The following PPP2R2B variants were observed in gnomAD, a reference collection of about 807,000 sequenced individuals.
PPP2R2B encodes the protein protein phosphatase 2 regulatory subunit Bbeta.
Under a neutral mutation model 46.0 loss-of-function variants are expected in PPP2R2B, and 5 were observed. The ratio of observed to expected loss-of-function variants is 0.11; its 90% CI spans 0.06 to 0.23. The LOEUF (loss-of-function observed/expected upper bound fraction) is 0.23. Ranked by LOEUF, PPP2R2B falls within the 10% of genes least tolerant of loss-of-function variation. The pLI, the probability that PPP2R2B is intolerant of heterozygous loss-of-function variation, is 1.00. For missense variants in PPP2R2B, 367 were observed against 575.0 expected (o/e 0.64, Z 3.70); for synonymous variants, 215 against 206.7 (o/e 1.04, Z -0.34).
At position 146,588,836 on chromosome 5, in the gene PPP2R2B, C is replaced by CTGAT. The variant is rs1445577289; in HGVS notation, c.*1107_*1110dup. 5 of 152,248 alleles carry CTGAT rather than the reference C, an allele frequency of 3.3e-5. No homozygotes were observed. Among genetic ancestry groups the CTGAT allele is most frequent in the African/African-American group, 4.8e-5 (2 of 41,558 alleles). 9.4% of individuals were successfully genotyped at this position (152,248 alleles called of 1,614,324 possible). A position where few individuals can be genotyped will look rare whatever the true frequency, so the allele number is the denominator to read the frequency against. On this transcript the variant is annotated 3_prime_UTR_variant, in exon 10 of 10. Transcript: ENST00000394411. ...CGAGCTTGGGGTGAGTTAGAAGTGC[C>CTGAT]TGATTGGACTTCACAACTCAGCGTT...
At chr5:146,801,894 T>A (rs1452696168) in intron 2 of PPP2R2B, among the ~76,000 whole-genome samples, 1 of 152,072 alleles carries the variant, frequency 6.6e-6, no homozygotes, top group African/African-American at 2.4e-5. Flanking sequence ...CGAAGATGAG[T>A]TAGTGCTCCA....
intron 2 of PPP2R2B, among the ~76,000 whole-genome samples, chr5:146,783,603 G>A (rs1650163710): frequency 2.0e-5 from 3 of 152,172 alleles, no homozygotes; most frequent in Admixed American, 1.3e-4. Flanking sequence ...GTCAGAGGCT[G>A]TAAATTTTTT....
chr5:146,742,580 A>G (rs1222909252), intron 2 of PPP2R2B, among the ~76,000 whole-genome samples: 1 of 152,186 alleles, frequency 6.6e-6, no homozygotes, highest in Non-Finnish European at 1.5e-5. Context: ...CAGGGTAGAG[A>G]ATAGATTTAT....
intron 2 of PPP2R2B, among the ~76,000 whole-genome samples, chr5:146,822,589 T>C (rs1287100727): frequency 6.6e-6 from 1 of 151,110 alleles, no homozygotes; most frequent in African/African-American, 2.4e-5. Flanking sequence ...CTTCTCCATC[T>C]AATATATTTG....
intron 5 of PPP2R2B, among the ~76,000 whole-genome samples, chr5:146,668,864 G>A (rs114844101): frequency 6.8e-4 from 103 of 152,328 alleles, no homozygotes; most frequent in African/African-American, 2.4e-3. Flanking sequence ...AGAATGGAAG[G>A]AAGCAGGGCA....
chr5:147,008,421 G>C (rs776667363), intron 1 of PPP2R2B, among the ~76,000 whole-genome samples: 106 of 152,090 alleles, frequency 7.0e-4, no homozygotes, highest in Non-Finnish European at 8.7e-4. Context: ...CCTTATGAAG[G>C]TCTATTCATA....
At chr5:146,824,000 G>A (rs1173681690) in intron 2 of PPP2R2B, among the ~76,000 whole-genome samples, 2 of 152,194 alleles carry the variant, frequency 1.3e-5, no homozygotes, top group African/African-American at 4.8e-5. Flanking sequence ...CATGCAAAGT[G>A]AATGCAGGTA....
intron 2 of PPP2R2B, among the ~76,000 whole-genome samples, chr5:146,748,345 T>A (rs1367140522): frequency 5.9e-5 from 9 of 152,122 alleles, no homozygotes; most frequent in Non-Finnish European, 4.4e-5. Context: ...ATTCACCCAG[T>A]TCCCCCCATC....
intron 1 of PPP2R2B, among the ~76,000 whole-genome samples, chr5:146,946,317 C>T (rs1265470659): frequency 6.6e-6 from 1 of 152,106 alleles, no homozygotes. Context: ...GTCCCCCCAC[C>T]ACTGCTTGGA....
At chr5:147,014,329 G>A (rs889847381) in intron 1 of PPP2R2B, among the ~76,000 whole-genome samples, 11 of 149,514 alleles carry the variant, frequency 7.4e-5, no homozygotes, top group East Asian at 3.9e-4. Context: ...TCAGTGTGGC[G>A]TTTCCTCAGG....
At position 146,981,162 on chromosome 5, in the gene PPP2R2B, T is replaced by C. The variant is rs190105278; in HGVS notation, c.79+74503A>G. 3.1e-3 allele frequency among the ~76,000 whole-genome samples: 468 copies of C among 152,280 alleles called. 4 individuals are homozygous for C. The highest frequency in any genetic ancestry group is 2.7e-3 in the Non-Finnish European group (186 of 68,006). Reference sequence around the variant, plus strand: ...TATTTTGTTCATAGTACCTGGCACATAGCAGGCACTCTACAAATATTTGCT... The same window carrying C: ...TATTTTGTTCATAGTACCTGGCACACAGCAGGCACTCTACAAATATTTGCT... On this transcript the variant is annotated intron_variant, in intron 1 of 8. Coordinates refer to the PPP2R2B transcript ENST00000336640.
At chr5:146,934,819 CAT>C (rs1764088979) in intron 1 of PPP2R2B, among the ~76,000 whole-genome samples, 1 of 151,432 alleles carries the variant, frequency 6.6e-6, no homozygotes, top group African/African-American at 2.4e-5. Context: ...ATTCTAACAA[CAT>C]AGAGCACGTT....
At position 146,684,778 on chromosome 5, in the gene PPP2R2B, G is replaced by A. The variant is rs990663692; in HGVS notation, c.447+6350C>T. ...ATCCTTCTCCATGATTTCTCAAAGT[G>A]TGGTCCAGGGACCACCTGCACCAGA... On this transcript the variant is annotated intron_variant, in intron 5 of 9. Transcript: ENST00000394411. Among the ~76,000 whole-genome samples, 6 of 152,264 alleles carry A rather than the reference G, an allele frequency of 3.9e-5. No homozygotes were observed. In the East Asian group the frequency reaches 9.7e-4, roughly 25 times the overall value.
intron 2 of PPP2R2B, among the ~76,000 whole-genome samples, chr5:146,762,897 A>G (rs1278350869): frequency 6.6e-6 from 1 of 151,780 alleles, no homozygotes; most frequent in Admixed American, 6.6e-5. Flanking sequence ...CTGGTAGGTA[A>G]TAAGGAACAT....
intron 7 of PPP2R2B, among the ~76,000 whole-genome samples, chr5:146,601,231 T>A (rs1345715339): frequency 6.6e-6 from 1 of 152,212 alleles, no homozygotes; most frequent in Non-Finnish European, 1.5e-5. Flanking sequence ...GGAATAACAC[T>A]GCTATGATTA....
intron 7 of PPP2R2B, among the ~76,000 whole-genome samples, chr5:146,627,887 T>A (rs1413664559): frequency 6.6e-6 from 1 of 152,164 alleles, no homozygotes; most frequent in Non-Finnish European, 1.5e-5. Context: ...AAACTTTGCC[T>A]TCTTCTCATT....
At position 146,967,456 on chromosome 5, in the gene PPP2R2B, A is replaced by G. The variant is rs551403025; in HGVS notation, c.79+88209T>C. On this transcript the variant is annotated intron_variant, in intron 1 of 8. Coordinates refer to the PPP2R2B transcript ENST00000336640. ...CATTGATATTATTCCTATTTTATAAATGAGGACACTGAGGGACAGAGAAGT... is the reference window on the plus strand; with the variant it reads ...CATTGATATTATTCCTATTTTATAAGTGAGGACACTGAGGGACAGAGAAGT... Among the ~76,000 whole-genome samples the G allele has an allele frequency of 1.1e-4, 16 of 152,314 alleles. No homozygotes were observed. In the South Asian group the frequency reaches 3.1e-3, roughly 30 times the overall value.
At chr5:146,860,502 T>C (rs1760922261) in intron 2 of PPP2R2B, among the ~76,000 whole-genome samples, 1 of 152,188 alleles carries the variant, frequency 6.6e-6, no homozygotes, top group Non-Finnish European at 1.5e-5. Flanking sequence ...CTCCTATGTT[T>C]CTCTGACAAA....
chr5:147,054,327 TCTC>T (rs1756968311), intron 1 of PPP2R2B, among the ~76,000 whole-genome samples: 1 of 152,146 alleles, frequency 6.6e-6, no homozygotes, highest in Non-Finnish European at 1.5e-5. Flanking sequence ...TTTGAAAAGT[TCTC>T]CTGGAGATTT....
Sources: gnomAD v4.1 joint callset for allele counts (sites outside exome capture counted in the v4.1 genomes callset) on GRCh38, gnomAD v4.1.1 for gene constraint, MANE v1.5 for transcripts, NCBI Gene and HGNC (gene_info 2026-07-23, HGNC 2026-07-21) for gene names.